ATRN: variants seen among roughly 807,000 people sequenced by gnomAD.
The protein encoded by ATRN is attractin-2.
Under a neutral mutation model 178.7 loss-of-function variants are expected in ATRN, and 54 were observed. That is an observed-to-expected ratio of 0.30 (90% CI 0.24 to 0.38). ATRN has a LOEUF of 0.38. Among genes scored for constraint, ATRN ranks in the 10% least tolerant of loss-of-function variants. The probability of loss-of-function intolerance (pLI) is 1.00; values close to 1 mark genes in which losing one functional copy is unlikely to be tolerated. For missense variants in ATRN, 1,443 were observed against 1,815.1 expected (o/e 0.79, Z 3.73); for synonymous variants, 636 against 663.0 (o/e 0.96, Z 0.63).
intron 24 of ATRN, among the ~76,000 whole-genome samples, chr20:3,622,062 T>C (rs1302344748): frequency 6.6e-6 from 1 of 152,212 alleles, no homozygotes; most frequent in East Asian, 1.9e-4. Context: ...CATAAGTAAG[T>C]GTACAAATAC....
Position 3,584,999 on chromosome 20 carries a change from A to G in ATRN, c.3184+119A>G, listed in dbSNP as rs2086338046. ...GCCCTCAGCCCCTTTCCTTCCTCCT[A>G]ATGGTTGGTACAAGAAGGAATAGAC... On this transcript the variant is annotated intron_variant, in intron 18 of 28. Transcript: ENST00000262919. 3.2e-6 allele frequency: 3 copies of G among 949,160 alleles called. No individual in the cohort carries two copies. In the East Asian group the frequency reaches 7.7e-5, roughly 24 times the overall value. 58.8% of individuals were successfully genotyped at this position (949,160 alleles called of 1,614,324 possible).
In ATRN at chr20:3,596,437, G is replaced by A; in HGVS notation, c.3469+8G>A. ...TCAGAGGAACATGTTATTGTAAGTG[G>A]TTTTGCAATTCTTATTTCTAGAAGC... On this transcript the variant is annotated splice_region_variant and intron_variant, in intron 21 of 28. Coordinates refer to ENST00000262919, the MANE Select transcript of ATRN (RefSeq NM_139321.3). 6.2e-7 allele frequency: 1 copy of A among 1,611,312 alleles called. No individual in the cohort carries two copies. The highest frequency in any genetic ancestry group is 1.1e-5 in the South Asian group (1 of 90,912).
chr20:3,544,873 G>A (rs2085676457), intron 3 of ATRN, among the ~76,000 whole-genome samples: 2 of 146,868 alleles, frequency 1.4e-5, no homozygotes, highest in African/African-American at 2.5e-5. Flanking sequence ...TTTAGAATCC[G>A]TCATGTGCTG....
chr20:3,635,563 C>A (rs996447189), intron 26 of ATRN, among the ~76,000 whole-genome samples: 5 of 151,974 alleles, frequency 3.3e-5, no homozygotes, highest in African/African-American at 1.2e-4. Flanking sequence ...AAGAAGCTGT[C>A]TGGGGTTTTT....
chr20:3,619,068 G>A (rs2086875652), intron 24 of ATRN, among the ~76,000 whole-genome samples: 2 of 152,158 alleles, frequency 1.3e-5, no homozygotes, highest in Admixed American at 1.3e-4. Context: ...GGTCCCAGGG[G>A]GTCGTTGGGA....
intron 25 of ATRN, among the ~76,000 whole-genome samples, chr20:3,626,554 T>C (rs1452899812): frequency 6.6e-6 from 1 of 152,110 alleles, no homozygotes; most frequent in South Asian, 2.1e-4. Context: ...TTATTTCTTC[T>C]CTGTCAGTTT....
rs1267413301 is a variant in ATRN at position 3,576,905 on chromosome 20, A to C, written c.2261A>C (p.Tyr754Ser). The C allele has an allele frequency of 1.2e-6, 2 of 1,614,136 alleles. No individual in the cohort carries two copies. Residue 754 changes from tyrosine to serine, a missense_variant, in exon 14 of 29, where the codon TAC becomes TCC. Transcript: ENST00000262919. ...AATTGCCCCAAGGATAACCCCATGT[A>C]CTACTGTAACAAGAAGACCAGCTGC... is the stretch of plus-strand genomic sequence containing the variant. ...YENCPKDNPM[Y>S]YCNKKTSCRS...
intron 18 of ATRN, among the ~76,000 whole-genome samples, chr20:3,590,456 G>A (rs904647088): frequency 6.6e-6 from 1 of 152,160 alleles, no homozygotes; most frequent in African/African-American, 2.4e-5. Context: ...GCAGTGCACA[G>A]CCTGTGCAGC....
intron 27 of ATRN, among the ~76,000 whole-genome samples, chr20:3,640,154 C>T (rs370907763): frequency 6.6e-6 from 1 of 151,978 alleles, no homozygotes; most frequent in African/African-American, 2.4e-5. Context: ...TCAAGTATGG[C>T]CAAGCAGATC....
At chr20:3,643,495 A>G (rs1293286985) in intron 27 of ATRN, among the ~76,000 whole-genome samples, 2 of 150,618 alleles carry the variant, frequency 1.3e-5, no homozygotes, top group East Asian at 2.0e-4. Context: ...GTGAGACCCC[A>G]TTTCTATTCT....
chr20:3,585,713 A>G (rs199641985), intron 18 of ATRN, among the ~76,000 whole-genome samples: 1 of 152,240 alleles, frequency 6.6e-6, no homozygotes, highest in South Asian at 2.1e-4. Context: ...TAAGAATCCA[A>G]TGTCCAGAAC....
intron 1 of ATRN, among the ~76,000 whole-genome samples, chr20:3,501,963 A>T (rs2084970821): frequency 6.6e-6 from 1 of 151,674 alleles, no homozygotes; most frequent in South Asian, 2.1e-4. Flanking sequence ...AAAATAGATC[A>T]GCTCTTACAA....
intron 19 of ATRN, among the ~76,000 whole-genome samples, chr20:3,592,161 A>C (rs1371950753): frequency 6.6e-6 from 1 of 152,166 alleles, no homozygotes; most frequent in Non-Finnish European, 1.5e-5. Context: ...GCACTTTGGG[A>C]GGCCAAGGCA....
At chr20:3,513,982 G>A (rs1295773946) in intron 1 of ATRN, among the ~76,000 whole-genome samples, 3 of 152,068 alleles carry the variant, frequency 2.0e-5, no homozygotes, top group African/African-American at 7.3e-5. Flanking sequence ...ATCAGCTTAA[G>A]GAGATTTTGG....
chr20:3,502,221 T>G (rs530032172), intron 1 of ATRN, among the ~76,000 whole-genome samples: 1 of 152,096 alleles, frequency 6.6e-6, no homozygotes, highest in Non-Finnish European at 1.5e-5. Flanking sequence ...TGGCTGAAAA[T>G]GAAGAGAGAA....
At chr20:3,508,275 T>G (rs1404913660) in intron 1 of ATRN, among the ~76,000 whole-genome samples, 2 of 148,138 alleles carry the variant, frequency 1.4e-5, no homozygotes, top group African/African-American at 4.9e-5. Flanking sequence ...ACCCAAACAA[T>G]GGAATGACAG....
At position 3,560,873 on chromosome 20, in the gene ATRN, G is replaced by A; in HGVS notation, c.1415G>A (p.Gly472Glu). Residue 472 changes from glycine (G) to glutamate (E), a missense_variant, in exon 8 of 29, where the codon GGA (glycine) becomes GAA (glutamate). Physicochemically the swap from Gly to Glu is moderately conservative, Grantham distance 98 (BLOSUM62 -2). Transcript: ENST00000262919. ...ATCTTTGGTCACTGCCCTCTCTATG[G>A]ATATATAAGCAATGTGCAGGAATAT... ...LVIFGHCPLY[G>E]YISNVQEYDL... 1 of 1,614,052 alleles carries A rather than the reference G, an allele frequency of 6.2e-7. No homozygotes were observed. The highest frequency in any genetic ancestry group is 1.1e-5 in the South Asian group (1 of 91,080).
chr20:3,509,624 C>G (rs1196392464), intron 1 of ATRN, among the ~76,000 whole-genome samples: 1 of 151,956 alleles, frequency 6.6e-6, no homozygotes, highest in Non-Finnish European at 1.5e-5. Context: ...CAGCCTCAGC[C>G]TCCCGAGTAG....
At chr20:3,472,869 A>T (rs1239252275) in intron 1 of ATRN, among the ~76,000 whole-genome samples, 1 of 152,240 alleles carries the variant, frequency 6.6e-6, no homozygotes, top group Non-Finnish European at 1.5e-5. Context: ...GAGGCTGGAA[A>T]GTAAAGTTTT....
Sources: allele counts gnomAD v4.1 joint callset (sites outside exome capture counted in the v4.1 genomes callset), GRCh38; gene constraint gnomAD v4.1.1; transcripts MANE v1.5; gene names NCBI Gene and HGNC (gene_info 2026-07-23, HGNC 2026-07-21).